PCDHGA6: variants seen among roughly 807,000 people sequenced by gnomAD.
PCDHGA6 encodes protocadherin gamma subfamily A, 6.
Under a neutral mutation model 60.6 loss-of-function variants are expected in PCDHGA6, and 41 were observed. The observed-to-expected ratio is 0.68, with a 90% confidence interval of 0.53 to 0.88. The LOEUF is 0.88. Among genes scored for constraint, PCDHGA6 ranks in the 40% least tolerant of loss-of-function variants. The pLI, the probability that PCDHGA6 is intolerant of heterozygous loss-of-function variation, is 0.00. For synonymous variants in PCDHGA6, 594 were observed against 524.4 expected (o/e 1.13, Z -1.81); for missense variants, 1,312 against 1,203.0 (o/e 1.09, Z -1.34).
chr5:141,414,850 C>T, intron 1 of PCDHGA6: 1 of 1,614,212 alleles, frequency 6.2e-7, no homozygotes, highest in Non-Finnish European at 8.5e-7. Flanking sequence ...TGTGCTGGAC[C>T]AGAACGACAA....
chr5:141,457,972 A>AC (rs1198043621), intron 1 of PCDHGA6, among the ~76,000 whole-genome samples: 4 of 152,218 alleles, frequency 2.6e-5, no homozygotes, highest in African/African-American at 9.6e-5. Flanking sequence ...TTAAAGGGAA[A>AC]CACACCCTTT....
rs187177915 is a variant in PCDHGA6 at position 141,472,338 on chromosome 5, G to A, written c.2425-22469G>A. ...AGGCAGATCACGAGGTTGGGAGATC[G>A]AGACCATCCTGGCTAACACGGTGAA... On this transcript the variant is annotated intron_variant, in intron 1 of 3. Transcript: ENST00000517434. Among the ~76,000 whole-genome samples, 23 of 151,526 alleles carry A rather than the reference G, an allele frequency of 1.5e-4. No homozygotes were observed. The East Asian group carries it at 3.2e-3, about 21-fold the overall frequency.
chr5:141,422,398 C>T lies in PCDHGA6; in HGVS notation c.2424+45891C>T, dbSNP rs2096646163. On this transcript the variant is annotated intron_variant, in intron 1 of 3. Transcript: ENST00000517434. Reference sequence around the variant, plus strand: ...AGTCTCCTGTTTTATTCCTAACCACCTGCCTTTTAAATTAGAAAAGACTTA... The same window carrying T: ...AGTCTCCTGTTTTATTCCTAACCACTTGCCTTTTAAATTAGAAAAGACTTA... The T allele has an allele frequency of 1.9e-6, 3 of 1,597,634 alleles. No individual in the cohort carries two copies. In the Admixed American group the frequency reaches 5.3e-5, roughly 28 times the overall value.
intron 1 of PCDHGA6, among the ~76,000 whole-genome samples, chr5:141,448,571 C>G (rs1207283773): frequency 6.6e-6 from 1 of 152,128 alleles, no homozygotes; most frequent in Non-Finnish European, 1.5e-5. Flanking sequence ...TTTTATTTCC[C>G]CATTTTTTTT....
At chr5:141,467,005 G>A (rs1365805332) in intron 1 of PCDHGA6, among the ~76,000 whole-genome samples, 3 of 150,724 alleles carry the variant, frequency 2.0e-5, no homozygotes, top group Non-Finnish European at 4.4e-5. Flanking sequence ...TTTTTGCAAT[G>A]CAATTTTTTT....
rs780685929 is a variant in PCDHGA6 at position 141,389,589 on chromosome 5, G to A, written c.2424+13082G>A. 10 of 1,613,050 alleles carry A rather than the reference G, an allele frequency of 6.2e-6. No individual in the cohort carries two copies. In the Middle Eastern group the frequency reaches 5.0e-4, roughly 81 times the overall value. On this transcript the variant is annotated intron_variant, in intron 1 of 3. Coordinates refer to ENST00000517434, the MANE Select transcript of PCDHGA6 (RefSeq NM_018919.3). ...GCTGTACCCCGCGCTGGGTCCCGAC[G>A]GCTCTGCGCTCTTCGATATGGTGCC...
intron 1 of PCDHGA6, chr5:141,410,663 T>C (rs2095415377): frequency 6.4e-7 from 1 of 1,570,102 alleles, no homozygotes; most frequent in Non-Finnish European, 8.6e-7. Flanking sequence ...AATAGTCTAC[T>C]AGTTTCTCAT....
At chr5:141,470,508 G>A (rs947583701) in intron 1 of PCDHGA6, among the ~76,000 whole-genome samples, 10 of 152,176 alleles carry the variant, frequency 6.6e-5, no homozygotes, top group African/African-American at 2.4e-4. Flanking sequence ...TAATTAGACA[G>A]TTAGCTAATA....
chr5:141,475,098 C>G (rs1252108172), intron 1 of PCDHGA6, among the ~76,000 whole-genome samples: 1 of 152,108 alleles, frequency 6.6e-6, no homozygotes, highest in East Asian at 1.9e-4. Flanking sequence ...TTATAAAGAT[C>G]CTAGGTGGTA....
intron 1 of PCDHGA6, chr5:141,410,146 C>T (rs2095361527): frequency 2.5e-6 from 4 of 1,612,390 alleles, no homozygotes; most frequent in Non-Finnish European, 2.5e-6. Context: ...CTGTGCGTGA[C>T]GGTGGACAGC....
intron 1 of PCDHGA6, among the ~76,000 whole-genome samples, chr5:141,449,422 C>A (rs1041930577): frequency 4.0e-5 from 6 of 151,724 alleles, no homozygotes; most frequent in Non-Finnish European, 7.4e-5. Flanking sequence ...GCCTGGCCAA[C>A]ATGATAAAAC....
At position 141,494,781 on chromosome 5, in the gene PCDHGA6, C is replaced by A. The variant is rs145360252; in HGVS notation, c.2425-26C>A. On this transcript the variant is annotated intron_variant, in intron 1 of 3. Coordinates refer to ENST00000517434, the MANE Select transcript of PCDHGA6 (RefSeq NM_018919.3). ...ATTCTAACTTCTCACGGGTACTCAG[C>A]CCCTTTCCCTCTGTTTTCTCCACAG... 6,156 of 1,614,074 alleles carry A rather than the reference C, an allele frequency of 3.8e-3. 13 individuals are homozygous for A. Among genetic ancestry groups the A allele is most frequent in the Middle Eastern group, 8.1e-3 (49 of 6,062 alleles).
At chr5:141,423,562 AC>A in intron 1 of PCDHGA6, 1 of 1,613,612 alleles carries the variant, frequency 6.2e-7, no homozygotes, top group Non-Finnish European at 8.5e-7. Flanking sequence ...CTATGGGGAC[AC>A]GCTCATCAGC....
chr5:141,405,261 T>TC, intron 1 of PCDHGA6: 1 of 1,613,852 alleles, frequency 6.2e-7, no homozygotes. Context: ...CACCTGATCT[T>TC]CCCCCAGCCC....
intron 3 of PCDHGA6, among the ~76,000 whole-genome samples, chr5:141,506,402 G>A (rs1032556978): frequency 2.8e-5 from 4 of 143,790 alleles, no homozygotes; most frequent in East Asian, 2.0e-4. Flanking sequence ...GCAGAAAATC[G>A]CACCACTGCA....
At chr5:141,418,418 G>C (rs1366605966) in intron 1 of PCDHGA6, 1 of 1,613,998 alleles carries the variant, frequency 6.2e-7, no homozygotes, top group East Asian at 2.2e-5. Flanking sequence ...AGACAATCCT[G>C]ATGGTGGCAA....
intron 2 of PCDHGA6, among the ~76,000 whole-genome samples, chr5:141,503,292 A>G (rs7710319): frequency 6.6e-6 from 1 of 151,928 alleles, no homozygotes; most frequent in African/African-American, 2.4e-5. Flanking sequence ...TGGTACATAG[A>G]AATTGCTCAA....
intron 1 of PCDHGA6, chr5:141,475,917 C>T (rs1012431912): frequency 1.7e-6 from 1 of 599,962 alleles, no homozygotes. Context: ...AATGAAGACG[C>T]TGGAGATCGG....
At chr5:141,430,573 A>C (rs938248057) in intron 1 of PCDHGA6, 8 of 448,940 alleles carry the variant, frequency 1.8e-5, no homozygotes, top group Non-Finnish European at 3.0e-5. Context: ...AGAAAAGCGG[A>C]GATCCTGCTC....
Sources: allele counts gnomAD v4.1 joint callset (sites outside exome capture counted in the v4.1 genomes callset), GRCh38; gene constraint gnomAD v4.1.1; transcripts MANE v1.5; gene names NCBI Gene and HGNC (gene_info 2026-07-23, HGNC 2026-07-21).